LRMDA: variants seen among roughly 807,000 people sequenced by gnomAD.
LRMDA encodes leucine rich melanocyte differentiation associated, also known as leucine-rich melanocyte differentiation-associated protein.
Under a neutral mutation model 29.8 loss-of-function variants are expected in LRMDA, and 18 were observed. That is an observed-to-expected ratio of 0.60 (90% CI 0.42 to 0.90). The LOEUF is 0.90. Ranked by LOEUF, LRMDA falls within the 40% of genes least tolerant of loss-of-function variation. The pLI is 0.00. For synonymous variants in LRMDA, 125 were observed against 109.4 expected (o/e 1.14, Z -0.89); for missense variants, 273 against 273.9 (o/e 1.00, Z 0.02).
chr10:76,483,262 T>C (rs930961027), intron 6 of LRMDA, among the ~76,000 whole-genome samples: 13 of 152,020 alleles, frequency 8.6e-5, no homozygotes, highest in Middle Eastern at 6.8e-3. Flanking sequence ...TAATTATCTA[T>C]TTAAGAAATA....
At chr10:75,823,681 ATGTAG>A (rs1355787182) in intron 2 of LRMDA, among the ~76,000 whole-genome samples, 6 of 131,238 alleles carry the variant, frequency 4.6e-5, no homozygotes, top group African/African-American at 1.7e-4. Context: ...TTGGATTAAA[ATGTAG>A]TGTGTGTGTG....
intron 2 of LRMDA, among the ~76,000 whole-genome samples, chr10:75,890,409 A>G (rs2132353013): frequency 6.6e-6 from 1 of 152,356 alleles, no homozygotes; most frequent in African/African-American, 2.4e-5. Context: ...AAGAGGTAAT[A>G]TCAGGGAATA....
intron 6 of LRMDA, among the ~76,000 whole-genome samples, chr10:76,451,261 G>C (rs1842403378): frequency 6.6e-6 from 1 of 152,054 alleles, no homozygotes; most frequent in Non-Finnish European, 1.5e-5. Flanking sequence ...GAGTGCAGTG[G>C]TGTGATCTCG....
At chr10:76,307,284 G>A (rs1212987300) in intron 5 of LRMDA, among the ~76,000 whole-genome samples, 2 of 152,112 alleles carry the variant, frequency 1.3e-5, no homozygotes, top group African/African-American at 2.4e-5. Flanking sequence ...TCGTGGGGAG[G>A]GTTTTCTGGA....
intron 2 of LRMDA, among the ~76,000 whole-genome samples, chr10:76,010,263 A>G (rs1847752725): frequency 6.6e-6 from 1 of 151,740 alleles, no homozygotes; most frequent in South Asian, 2.1e-4. Context: ...GTATTTCCCT[A>G]AGTGCCAGGT....
chr10:75,768,986 C>G (rs1843204249), intron 2 of LRMDA, among the ~76,000 whole-genome samples: 1 of 152,172 alleles, frequency 6.6e-6, no homozygotes, highest in South Asian at 2.1e-4. Context: ...TGAAAGAGCA[C>G]TTACTCCAAG....
chr10:76,145,846 C>G (rs984678154), intron 5 of LRMDA, among the ~76,000 whole-genome samples: 17 of 151,200 alleles, frequency 1.1e-4, no homozygotes, highest in South Asian at 2.1e-4. Context: ...AAATTTCCCT[C>G]TACACACTGC....
At chr10:75,506,444 AAATC>A (rs1262737367) in intron 2 of LRMDA, among the ~76,000 whole-genome samples, 3 of 150,652 alleles carry the variant, frequency 2.0e-5, no homozygotes, top group East Asian at 3.9e-4. Context: ...ATTTCTTAAA[AAATC>A]AATCATTCAT....
At chr10:75,518,064 T>C (rs2132035763) in intron 2 of LRMDA, among the ~76,000 whole-genome samples, 1 of 152,312 alleles carries the variant, frequency 6.6e-6, no homozygotes, top group African/African-American at 2.4e-5. Context: ...TTGATTGTGG[T>C]GGATAAGCTT....
intron 2 of LRMDA, among the ~76,000 whole-genome samples, chr10:75,453,512 T>C (rs1395282321): frequency 6.6e-6 from 1 of 152,260 alleles, no homozygotes; most frequent in Non-Finnish European, 1.5e-5. Flanking sequence ...TACAGTGCTG[T>C]TTGCAAAGGT....
chr10:76,247,579 T>C (rs1473299920), intron 5 of LRMDA, among the ~76,000 whole-genome samples: 2 of 152,152 alleles, frequency 1.3e-5, no homozygotes, highest in African/African-American at 4.8e-5. Flanking sequence ...GTGTGATAGA[T>C]TGTTAAAAAT....
intron 2 of LRMDA, among the ~76,000 whole-genome samples, chr10:75,707,121 C>T (rs1589165240): frequency 1.3e-5 from 2 of 152,280 alleles, no homozygotes; most frequent in South Asian, 4.1e-4. Context: ...ATGTTTAGGG[C>T]ATGTTAGGAT....
chr10:75,633,327 T>TA (rs1841351375), intron 2 of LRMDA, among the ~76,000 whole-genome samples: 1 of 152,160 alleles, frequency 6.6e-6, no homozygotes, highest in Non-Finnish European at 1.5e-5. Context: ...AGTAACCCAT[T>TA]GTGTAAGTGA....
At chr10:75,831,591 C>T (rs891871957) in intron 2 of LRMDA, among the ~76,000 whole-genome samples, 24 of 152,296 alleles carry the variant, frequency 1.6e-4, no homozygotes, top group African/African-American at 5.1e-4. Flanking sequence ...TAATGGCTCT[C>T]TTCTCATAGT....
chr10:75,608,834 C>T (rs534907530), intron 2 of LRMDA, among the ~76,000 whole-genome samples: 1 of 152,290 alleles, frequency 6.6e-6, no homozygotes, highest in East Asian at 1.9e-4. Flanking sequence ...TCTCTGTTCA[C>T]TGTTTCTTCC....
At chr10:76,250,176 TC>T (rs1852450375) in intron 5 of LRMDA, among the ~76,000 whole-genome samples, 1 of 152,208 alleles carries the variant, frequency 6.6e-6, no homozygotes, top group African/African-American at 2.4e-5. Context: ...TTATCATTCT[TC>T]AGCTGGAGAA....
intron 6 of LRMDA, among the ~76,000 whole-genome samples, chr10:76,326,012 A>G (rs1840829635): frequency 6.6e-6 from 1 of 152,214 alleles, no homozygotes; most frequent in Non-Finnish European, 1.5e-5. Flanking sequence ...AATGAGAGAA[A>G]TGTAAAGACG....
At chr10:76,064,575 CACTTT>C (rs942947048) in intron 5 of LRMDA, among the ~76,000 whole-genome samples, 1 of 152,174 alleles carries the variant, frequency 6.6e-6, no homozygotes, top group African/African-American at 2.4e-5. Context: ...CCTAGTGTAG[CACTTT>C]ACTAAGTGCT....
At chr10:76,032,144 C>G (rs989817312) in intron 2 of LRMDA, among the ~76,000 whole-genome samples, 21 of 152,200 alleles carry the variant, frequency 1.4e-4, no homozygotes, top group African/African-American at 5.1e-4. Flanking sequence ...CCTACCTGGG[C>G]CCGGGCCCTG....
Sources: gnomAD v4.1 joint callset for allele counts (sites outside exome capture counted in the v4.1 genomes callset) on GRCh38, gnomAD v4.1.1 for gene constraint, MANE v1.5 for transcripts, NCBI Gene and HGNC (gene_info 2026-07-23, HGNC 2026-07-21) for gene names.